The following VPS13C variants were observed in gnomAD, a reference collection of about 807,000 sequenced individuals.
VPS13C encodes vacuolar protein sorting 13 homolog C.
A neutral mutation model predicts 456.8 loss-of-function variants in VPS13C; 358 were observed. The ratio of observed to expected loss-of-function variants is 0.78; its 90% CI spans 0.72 to 0.86. The LOEUF (loss-of-function observed/expected upper bound fraction) is 0.86, where lower values mean the gene tolerates loss of function less well. VPS13C is among the 40% of genes least tolerant of loss of function. The probability of loss-of-function intolerance (pLI) is 0.00; values close to 1 mark genes in which losing one functional copy is unlikely to be tolerated. For missense variants in VPS13C, 4,818 were observed against 4,385.4 expected (o/e 1.10, Z -2.79); for synonymous variants, 1,578 against 1,486.7 (o/e 1.06, Z -1.41).
At chr15:62,005,503 T>C (rs2046801140) in intron 15 of VPS13C, among the ~76,000 whole-genome samples, 3 of 152,168 alleles carry the variant, frequency 2.0e-5, no homozygotes, top group African/African-American at 4.8e-5. Flanking sequence ...AATTGGAGCA[T>C]TTAGTCCATT....
At chr15:61,935,354 G>T (rs185193644) in intron 48 of VPS13C, 2 of 152,036 alleles carry the variant, frequency 1.3e-5, no homozygotes, top group Non-Finnish European at 2.9e-5. Flanking sequence ...ACAAGTTACT[G>T]GAAAAACAAA....
At chr15:61,908,242 AG>A (rs2043204134) in intron 65 of VPS13C, among the ~76,000 whole-genome samples, 1 of 152,162 alleles carries the variant, frequency 6.6e-6, no homozygotes. Context: ...TGTACTTTTA[AG>A]TCTCTCACTG....
chr15:61,907,691 T>C (rs892908391), intron 65 of VPS13C, among the ~76,000 whole-genome samples: 6 of 152,160 alleles, frequency 3.9e-5, no homozygotes, highest in Non-Finnish European at 7.3e-5. Context: ...CCTGTGGAAA[T>C]GGCTGTGAAG....
intron 16 of VPS13C, among the ~76,000 whole-genome samples, chr15:61,997,060 A>G (rs2046412797): frequency 6.6e-6 from 1 of 151,808 alleles, no homozygotes; most frequent in South Asian, 2.1e-4. Context: ...GTGCAAAAGA[A>G]GAGAATAAAA....
intron 16 of VPS13C, among the ~76,000 whole-genome samples, chr15:61,998,605 A>G (rs2046474792): frequency 6.6e-6 from 1 of 152,210 alleles, no homozygotes; most frequent in Non-Finnish European, 1.5e-5. Context: ...CAAACGGCCC[A>G]AAATCATATA....
At chr15:61,959,732 T>C in intron 35 of VPS13C, 137 bp from the exon 36 acceptor site, 1 of 776,774 alleles carries the variant, frequency 1.3e-6, no homozygotes. Flanking sequence ...TTTTCAAAAC[T>C]GAACCTATAA....
intron 15 of VPS13C, among the ~76,000 whole-genome samples, chr15:62,002,977 G>A (rs1453811087): frequency 6.6e-6 from 1 of 152,050 alleles, no homozygotes; most frequent in African/African-American, 2.4e-5. Context: ...TTGTTCTTTT[G>A]GCTCAGGATT....
intron 21 of VPS13C, 142 bp downstream of exon 21, chr15:61,982,317 C>G (rs964936984): frequency 2.0e-6 from 1 of 497,128 alleles, no homozygotes; most frequent in Non-Finnish European, 3.4e-6. Context: ...TTGAGAAAGC[C>G]ATGTCCACTC....
intron 82 of VPS13C, among the ~76,000 whole-genome samples, chr15:61,859,350 T>C (rs1234364784): frequency 6.6e-6 from 1 of 152,048 alleles, no homozygotes; most frequent in Non-Finnish European, 1.5e-5. Flanking sequence ...GCAATGAAAA[T>C]GAGAACCTGT....
chr15:62,046,217 C>T (rs556718261), intron 1 of VPS13C, among the ~76,000 whole-genome samples: 31 of 152,134 alleles, frequency 2.0e-4, no homozygotes, highest in Non-Finnish European at 4.0e-4. Flanking sequence ...CTACAACACA[C>T]TGAAAAGTAA....
intron 67 of VPS13C, among the ~76,000 whole-genome samples, chr15:61,885,210 A>AT (rs1444753449): frequency 1.3e-5 from 2 of 152,094 alleles, no homozygotes; most frequent in African/African-American, 4.8e-5. Flanking sequence ...TGTCTTCAAA[A>AT]TTGACTATAC....
intron 1 of VPS13C, among the ~76,000 whole-genome samples, chr15:62,058,993 G>A (rs540982825): frequency 6.6e-6 from 1 of 150,806 alleles, no homozygotes; most frequent in South Asian, 2.1e-4. Context: ...AAACAGCATT[G>A]CCCAATATAT....
chr15:62,002,796 T>A (rs1464107513), intron 15 of VPS13C, among the ~76,000 whole-genome samples: 1 of 152,234 alleles, frequency 6.6e-6, no homozygotes, highest in Non-Finnish European at 1.5e-5. Flanking sequence ...CCATTGCTTG[T>A]TTTTGTCAGG....
intron 39 of VPS13C, 57 bp downstream of exon 39, chr15:61,951,767 A>G (rs1392411238): frequency 7.9e-6 from 12 of 1,513,512 alleles, no homozygotes; most frequent in Non-Finnish European, 1.1e-5. Flanking sequence ...ATGTTGATAA[A>G]AAGGTAGGGA....
In VPS13C at chr15:62,005,003, T is replaced by C. The variant is rs1414450133; in HGVS notation, c.1290+2305A>G. Reference sequence around the variant, plus strand: ...TGAAAAAAATGTATATTCTGTTGATTTGGGGTGGAGAGTTCTGTAGATGTC... The same window carrying C: ...TGAAAAAAATGTATATTCTGTTGATCTGGGGTGGAGAGTTCTGTAGATGTC... On this transcript the variant is annotated intron_variant, in intron 15 of 84. Coordinates refer to ENST00000644861, the MANE Select transcript of VPS13C (RefSeq NM_020821.3). Among the ~76,000 whole-genome samples the C allele has an allele frequency of 7.9e-5, 12 of 152,112 alleles. No individual in the cohort carries two copies. The East Asian group carries it at 2.1e-3, about 27-fold the overall frequency.
At chr15:62,016,862 G>A (rs1206297949) in intron 9 of VPS13C, among the ~76,000 whole-genome samples, 1 of 152,122 alleles carries the variant, frequency 6.6e-6, no homozygotes, top group East Asian at 1.9e-4. Context: ...CTTCCACAAT[G>A]GTTGAACTAG....
chr15:61,998,031 T>C (rs1033643886), intron 16 of VPS13C, among the ~76,000 whole-genome samples: 4 of 152,096 alleles, frequency 2.6e-5, no homozygotes, highest in African/African-American at 9.7e-5. Flanking sequence ...GCCCTCCCAT[T>C]CCTCTGCTAC....
chr15:61,965,995 A>T, intron 30 of VPS13C, 88 bp downstream of exon 30: 1 of 878,540 alleles, frequency 1.1e-6, no homozygotes. Flanking sequence ...TCATCAAATT[A>T]CCTAGTCAAT....
intron 82 of VPS13C, among the ~76,000 whole-genome samples, chr15:61,859,313 C>T (rs1409349921): frequency 6.6e-6 from 1 of 152,078 alleles, no homozygotes; most frequent in Non-Finnish European, 1.5e-5. Context: ...CAGTGAATCA[C>T]GATCGAGCCA....
Sources: gnomAD v4.1 joint callset for allele counts (sites outside exome capture counted in the v4.1 genomes callset) on GRCh38, gnomAD v4.1.1 for gene constraint, MANE v1.5 for transcripts, NCBI Gene and HGNC (gene_info 2026-07-23, HGNC 2026-07-21) for gene names.